The following AUH variants were observed in gnomAD, a reference collection of about 807,000 sequenced individuals.
AUH encodes methylglutaconyl-CoA hydratase, mitochondrial.
AUH carries 29 observed loss-of-function variants against 42.3 expected under a neutral mutation model. That is an observed-to-expected ratio of 0.69 (90% CI 0.51 to 0.93). The LOEUF is 0.93. AUH is among the 40% of genes least tolerant of loss of function. AUH has a pLI of 0.00. For synonymous variants in AUH, 174 were observed against 166.4 expected (o/e 1.05, Z -0.35); for missense variants, 452 against 438.1 (o/e 1.03, Z -0.28).
At position 91,356,119 on chromosome 9, in the gene AUH, T is replaced by C; in HGVS notation, c.299A>G (p.Lys100Arg). ...TATAAGATTTTTACTGAGTGAATTT[T>C]TGCCATAAGCTCTGTTTATTCCAAG... Reference protein sequence around the residue: ...VVLGINRAYGKNSLSKNLIKM... With the variant: ...VVLGINRAYGRNSLSKNLIKM... Residue 100 changes from lysine (K) to arginine (R), a missense_variant, in exon 2 of 10, where the codon AAA becomes AGA. Transcript: ENST00000375731. 7 of 1,613,840 alleles carry C rather than the reference T, an allele frequency of 4.3e-6. No individual in the cohort carries two copies. Among genetic ancestry groups the C allele is most frequent in the Non-Finnish European group, 3.4e-6 (4 of 1,179,850 alleles).
chr9:91,254,117 T>C (rs1829282896), intron 6 of AUH, among the ~76,000 whole-genome samples: 2 of 152,308 alleles, frequency 1.3e-5, no homozygotes, highest in South Asian at 2.1e-4. Flanking sequence ...TTGTCTTCAG[T>C]GCACAGGCCT....
rs150553610 is a variant in AUH at position 91,312,587 on chromosome 9, G to A, written c.505+12731C>T. Among the ~76,000 whole-genome samples the A allele has an allele frequency of 4.8e-3, 738 of 152,326 alleles. 4 individuals carry two copies. The highest frequency in any genetic ancestry group is 8.2e-3 in the Admixed American group (125 of 15,306). ...TACCAAAAAATACAAAATAGCCGGC[G>A]TGGTGGCTCACGCTTGTAGTTCTAA... On this transcript the variant is annotated intron_variant, in intron 4 of 9. Transcript: ENST00000375731.
At chr9:91,356,057 T>C (rs1460056916) in intron 2 of AUH, 31 bp downstream of exon 2, 1 of 1,603,334 alleles carries the variant, frequency 6.2e-7, no homozygotes, top group African/African-American at 1.3e-5. Flanking sequence ...ATCTTAATAT[T>C]AGAAGCAAAC....
In AUH at chr9:91,356,791, T is replaced by A. The variant is rs140577344; in HGVS notation, c.263-636A>T. Among the ~76,000 whole-genome samples the A allele has an allele frequency of 8.5e-5, 13 of 152,354 alleles. No individual in the cohort carries two copies. The East Asian group carries it at 2.5e-3, about 29-fold the overall frequency. On this transcript the variant is annotated intron_variant, in intron 1 of 9. Transcript: ENST00000375731. The stretch of plus-strand genomic sequence containing the variant: ...TCTAAAAACAGTACTATGCATAGAA[T>A]GCATCCCCTACTTAAAATCCTTTCA...
At position 91,361,870 on chromosome 9, in the gene AUH, G is replaced by GCCGCCA. The variant is rs1564141703; in HGVS notation, c.14_19dup (p.Val5_Ala6dup). Reference sequence around the variant, plus strand: ...CAGGGATCCCAAGGCCCCAGGTGCCGCCGCCACCGCGGCCGCCATGTTGTC... The same window carrying GCCGCCA: ...CAGGGATCCCAAGGCCCCAGGTGCCGCCGCCACCGCCACCGCGGCCGCCATGTTGTC... On this transcript the variant is annotated inframe_insertion, in exon 1 of 10. Transcript: ENST00000375731. 6.8e-7 allele frequency: 1 copy of GCCGCCA among 1,469,068 alleles called. No homozygotes were observed. The highest frequency in any genetic ancestry group is 1.3e-5 in the South Asian group (1 of 76,608). The allele number at this position is 1,469,068 out of a possible 1,614,324, so 91.0% of individuals were successfully genotyped here.
At chr9:91,285,926 A>T (rs926168273) in intron 6 of AUH, among the ~76,000 whole-genome samples, 1 of 152,188 alleles carries the variant, frequency 6.6e-6, no homozygotes, top group African/African-American at 2.4e-5. Flanking sequence ...ACTAAACCCA[A>T]CTACTCTGTT....
chr9:91,333,145 C>CT (rs1240706802), intron 3 of AUH, among the ~76,000 whole-genome samples: 1 of 152,206 alleles, frequency 6.6e-6, no homozygotes, highest in Non-Finnish European at 1.5e-5. Flanking sequence ...CCTGTCATGG[C>CT]TGAGATTTTC....
At chr9:91,344,632 G>T (rs574898056) in intron 3 of AUH, among the ~76,000 whole-genome samples, 1 of 152,138 alleles carries the variant, frequency 6.6e-6, no homozygotes, top group East Asian at 1.9e-4. Context: ...AAATGACTTC[G>T]TTGGTGAATT....
chr9:91,299,641 A>C (rs1827628501), intron 4 of AUH, among the ~76,000 whole-genome samples: 1 of 152,220 alleles, frequency 6.6e-6, no homozygotes, highest in African/African-American at 2.4e-5. Context: ...AATGAGTTTA[A>C]TGTGCAAACA....
chr9:91,344,790 ATT>A (rs1831361835), intron 3 of AUH, among the ~76,000 whole-genome samples: 1 of 152,190 alleles, frequency 6.6e-6, no homozygotes, highest in Non-Finnish European at 1.5e-5. Context: ...AGGCAAACCA[ATT>A]TCCCTTATGA....
In AUH at chr9:91,282,564, G is replaced by A. The variant is rs1016398876; in HGVS notation, c.655+13457C>T. ...TATGTGAGCAGGAGGAGCAGTGGTA[G>A]GAGCTGAGGTCAGAGAAGTAGCCAG... is the stretch of plus-strand genomic sequence containing the variant. On this transcript the variant is annotated intron_variant, in intron 6 of 9. Coordinates refer to ENST00000375731, the MANE Select transcript of AUH (RefSeq NM_001698.3). Among the ~76,000 whole-genome samples the A allele has an allele frequency of 2.0e-5, 3 of 152,146 alleles. No homozygotes were observed. In the South Asian group the frequency reaches 6.2e-4, roughly 31 times the overall value.
intron 6 of AUH, among the ~76,000 whole-genome samples, chr9:91,275,670 G>A (rs1395534119): frequency 5.3e-5 from 8 of 152,158 alleles, no homozygotes; most frequent in Non-Finnish European, 7.3e-5. Context: ...TCTCCAAGCC[G>A]AACAGAAATC....
At chr9:91,309,591 A>G (rs980334766) in intron 4 of AUH, among the ~76,000 whole-genome samples, 1 of 152,186 alleles carries the variant, frequency 6.6e-6, no homozygotes. Context: ...GTTCTCACTT[A>G]TAAGTGGAAG....
rs528387187 is a variant in AUH at position 91,214,489 on chromosome 9, A to G, written c.943-64T>C. 2.2e-5 allele frequency: 30 copies of G among 1,379,984 alleles called. No homozygotes were observed. The South Asian group carries it at 3.7e-4, about 17-fold the overall frequency. 85.5% of individuals were successfully genotyped at this position (1,379,984 alleles called of 1,614,324 possible). Reference sequence around the variant, plus strand: ...AAACAACTGTAAAAGTTTATCAAGCACTATCTAAGAAAACTACTTAGAACC... The same window carrying G: ...AAACAACTGTAAAAGTTTATCAAGCGCTATCTAAGAAAACTACTTAGAACC... On this transcript the variant is annotated intron_variant, in intron 9 of 9. Coordinates refer to ENST00000375731, the MANE Select transcript of AUH (RefSeq NM_001698.3).
At chr9:91,221,083 C>G in intron 6 of AUH, 91 bp from the exon 7 acceptor site, 2 of 1,419,256 alleles carry the variant, frequency 1.4e-6, no homozygotes, top group Non-Finnish European at 2.0e-6. Flanking sequence ...TAAAAATAAA[C>G]CAGGGCCAGA....
intron 4 of AUH, among the ~76,000 whole-genome samples, chr9:91,316,941 T>C (rs993562068): frequency 1.3e-5 from 2 of 152,228 alleles, no homozygotes; most frequent in African/African-American, 4.8e-5. Flanking sequence ...TAAGAAACTC[T>C]TCTCTCTGTT....
At chr9:91,225,647 C>T (rs765209602) in intron 6 of AUH, among the ~76,000 whole-genome samples, 2 of 151,020 alleles carry the variant, frequency 1.3e-5, no homozygotes, top group Non-Finnish European at 2.9e-5. Context: ...GTGTGCTGCA[C>T]CCACTAACTC....
At chr9:91,311,591 T>G (rs1828703377) in intron 4 of AUH, among the ~76,000 whole-genome samples, 1 of 152,226 alleles carries the variant, frequency 6.6e-6, no homozygotes, top group Non-Finnish European at 1.5e-5. Flanking sequence ...CTTAGAGAAT[T>G]CTAAAAATGT....
At chr9:91,313,667 T>G (rs1828891795) in intron 4 of AUH, among the ~76,000 whole-genome samples, 1 of 134,026 alleles carries the variant, frequency 7.5e-6, no homozygotes, top group Admixed American at 8.5e-5. Flanking sequence ...ATTGCGCCAC[T>G]GCAGTCCGCA....
Sources: allele counts gnomAD v4.1 joint callset (sites outside exome capture counted in the v4.1 genomes callset), GRCh38; gene constraint gnomAD v4.1.1; transcripts MANE v1.5; gene names NCBI Gene and HGNC (gene_info 2026-07-23, HGNC 2026-07-21).